The following RBFOX1 variants were observed in gnomAD, a reference collection of about 807,000 sequenced individuals.
RBFOX1 encodes the protein RNA binding protein fox-1 homolog 1.
Under a neutral mutation model 57.7 loss-of-function variants are expected in RBFOX1, and 8 were observed. The observed-to-expected ratio is 0.14, with a 90% CI of 0.08 to 0.25. The LOEUF (loss-of-function observed/expected upper bound fraction) is 0.25. Among genes scored for constraint, RBFOX1 ranks in the 10% least tolerant of loss-of-function variants. The pLI, the probability that RBFOX1 is intolerant of heterozygous loss-of-function variation, is 1.00. For synonymous variants in RBFOX1, 326 were observed against 222.4 expected (o/e 1.47, Z -4.15); for missense variants, 611 against 548.5 (o/e 1.11, Z -1.14).
chr16:6,210,337 C>CAAAAAAAA (rs1443054145), intron 1 of RBFOX1, among the ~76,000 whole-genome samples: 1 of 9,330 alleles, frequency 1.1e-4, no homozygotes, highest in African/African-American at 3.1e-4. Flanking sequence ...AACAAAAAAA[C>CAAAAAAAA]AAAAAAACAA....
intron 2 of RBFOX1, among the ~76,000 whole-genome samples, chr16:6,439,614 A>G (rs1019159295): frequency 2.0e-5 from 3 of 152,174 alleles, no homozygotes; most frequent in African/African-American, 7.2e-5. Flanking sequence ...TTTCTTGACA[A>G]ATTGTTTCCC....
intron 3 of RBFOX1, among the ~76,000 whole-genome samples, chr16:5,629,078 C>G (rs541476253): frequency 3.3e-5 from 5 of 150,300 alleles, no homozygotes; most frequent in African/African-American, 1.2e-4. Flanking sequence ...AGTAAGCAAT[C>G]AAGAGAAAAG....
intron 4 of RBFOX1, among the ~76,000 whole-genome samples, chr16:7,396,112 T>C (rs2098134693): frequency 6.6e-6 from 1 of 152,042 alleles, no homozygotes; most frequent in African/African-American, 2.4e-5. Flanking sequence ...GGGGAGGGGA[T>C]TGAGGGCTGT....
chr16:6,871,212 G>C (rs1376271261), intron 3 of RBFOX1, among the ~76,000 whole-genome samples: 2 of 152,142 alleles, frequency 1.3e-5, no homozygotes, highest in African/African-American at 2.4e-5. Flanking sequence ...TGGAGATGGA[G>C]TGTTGCTCTG....
At chr16:7,083,032 A>G (rs765882927) in intron 4 of RBFOX1, among the ~76,000 whole-genome samples, 1 of 152,240 alleles carries the variant, frequency 6.6e-6, no homozygotes, top group Non-Finnish European at 1.5e-5. Context: ...TGTTATTAAA[A>G]TGATTTAAAA....
chr16:6,591,798 A>G (rs891466933), intron 2 of RBFOX1, among the ~76,000 whole-genome samples: 3 of 152,234 alleles, frequency 2.0e-5, no homozygotes, highest in African/African-American at 7.2e-5. Flanking sequence ...TTTTAAACGC[A>G]CTAACAAACC....
chr16:7,705,631 A>T (rs916017763), intron 14 of RBFOX1, among the ~76,000 whole-genome samples: 5 of 152,228 alleles, frequency 3.3e-5, no homozygotes, highest in Admixed American at 6.5e-5. Context: ...GATCAATGGA[A>T]AACTATTGAA....
At chr16:6,261,474 C>T (rs141754503) in intron 1 of RBFOX1, among the ~76,000 whole-genome samples, 1 of 152,176 alleles carries the variant, frequency 6.6e-6, no homozygotes, top group African/African-American at 2.4e-5. Context: ...CTCAGACATG[C>T]CCTGTGAGAG....
At chr16:5,910,281 A>T in intron 4 of RBFOX1, among the ~76,000 whole-genome samples, 1 of 152,084 alleles carries the variant, frequency 6.6e-6, no homozygotes, top group Non-Finnish European at 1.5e-5. Flanking sequence ...GAGAAGTTTC[A>T]CATAGCATCA....
intron 4 of RBFOX1, among the ~76,000 whole-genome samples, chr16:7,509,424 G>GTC (rs1567582842): frequency 0.021 from 3,099 of 144,290 alleles, 77 homozygotes; most frequent in African/African-American, 0.074. Context: ...GTGTGTGTGT[G>GTC]TGTGTGTCTG....
intron 3 of RBFOX1, among the ~76,000 whole-genome samples, chr16:6,993,519 A>C (rs890512004): frequency 5.9e-5 from 9 of 152,172 alleles, no homozygotes; most frequent in African/African-American, 2.2e-4. Context: ...TGTGATCAGG[A>C]AACCTGGTTA....
intron 4 of RBFOX1, among the ~76,000 whole-genome samples, chr16:5,988,712 G>A (rs962547441): frequency 2.0e-5 from 3 of 152,200 alleles, no homozygotes; most frequent in Non-Finnish European, 4.4e-5. Flanking sequence ...GGAAGTGCCT[G>A]TCAGGGTGAC....
chr16:7,340,015 T>C (rs1179992540), intron 4 of RBFOX1, among the ~76,000 whole-genome samples: 1 of 152,210 alleles, frequency 6.6e-6, no homozygotes, highest in African/African-American at 2.4e-5. Context: ...TTCCCAACTA[T>C]TCCAGCAAGA....
At chr16:6,617,471 G>A (rs1271774134) in intron 2 of RBFOX1, among the ~76,000 whole-genome samples, 2 of 151,506 alleles carry the variant, frequency 1.3e-5, no homozygotes, top group Non-Finnish European at 2.9e-5. Flanking sequence ...TCTCATGGAT[G>A]TAATTGATTT....
chr16:5,731,365 A>T (rs532174825), intron 3 of RBFOX1, among the ~76,000 whole-genome samples: 1 of 152,196 alleles, frequency 6.6e-6, no homozygotes, highest in African/African-American at 2.4e-5. Flanking sequence ...ATCAATTCAT[A>T]TTTACAAAGT....
chr16:6,896,435 C>A (rs560235627), intron 3 of RBFOX1, among the ~76,000 whole-genome samples: 1 of 151,968 alleles, frequency 6.6e-6, no homozygotes, highest in Non-Finnish European at 1.5e-5. Flanking sequence ...CTCTTTCAGC[C>A]CTGGTAACTA....
At chr16:6,672,137 G>T (rs1157043365) in intron 3 of RBFOX1, among the ~76,000 whole-genome samples, 2 of 152,082 alleles carry the variant, frequency 1.3e-5, no homozygotes, top group African/African-American at 2.4e-5. Context: ...TGGAGGCTAA[G>T]GTAACATTAG....
chr16:7,484,544 C>T (rs757759712), intron 4 of RBFOX1, among the ~76,000 whole-genome samples: 1 of 152,206 alleles, frequency 6.6e-6, no homozygotes, highest in Non-Finnish European at 1.5e-5. Context: ...CTCACTGCAA[C>T]TTTTGCCTCC....
At chr16:5,623,450 T>A (rs2048257286) in intron 3 of RBFOX1, among the ~76,000 whole-genome samples, 1 of 152,140 alleles carries the variant, frequency 6.6e-6, no homozygotes, top group Admixed American at 6.5e-5. Flanking sequence ...AGAACACTCA[T>A]AATCACCAAA....
Sources: gnomAD v4.1 joint callset for allele counts (sites outside exome capture counted in the v4.1 genomes callset) on GRCh38, gnomAD v4.1.1 for gene constraint, MANE v1.5 for transcripts, NCBI Gene and HGNC (gene_info 2026-07-23, HGNC 2026-07-21) for gene names.